PDE4D: variants seen among roughly 807,000 people sequenced by gnomAD.
PDE4D encodes 3',5'-cyclic-AMP phosphodiesterase 4D.
In PDE4D, 24 loss-of-function variants were observed where a neutral mutation model predicts 87.4. The observed-to-expected ratio is 0.27, with a 90% CI of 0.20 to 0.39. The LOEUF (loss-of-function observed/expected upper bound fraction) is 0.39. Among genes scored for constraint, PDE4D ranks in the 10% least tolerant of loss-of-function variants. The pLI, the probability that PDE4D is intolerant of heterozygous loss-of-function variation, is 1.00. For synonymous variants in PDE4D, 384 were observed against 383.2 expected, an observed-to-expected ratio of 1.00 and a Z score of -0.02; for missense variants, 714 against 1,041.0, an observed-to-expected ratio of 0.69 and a Z score of 4.32.
At chr5:59,584,745 A>G (rs2153701249) in intron 1 of PDE4D, among the ~76,000 whole-genome samples, 1 of 152,328 alleles carries the variant, frequency 6.6e-6, no homozygotes, top group East Asian at 1.9e-4. Context: ...CTTAGGTAGA[A>G]CAAAAACTGT....
chr5:59,039,353 C>A (rs1298439832), intron 5 of PDE4D: 2 of 1,030,678 alleles, frequency 1.9e-6, no homozygotes, highest in South Asian at 3.4e-5. Flanking sequence ...GGGTGGCGAG[C>A]GCGCTTGGGT....
chr5:59,716,289 G>C (rs1024465801), intron 1 of PDE4D, among the ~76,000 whole-genome samples: 1 of 152,214 alleles, frequency 6.6e-6, no homozygotes, highest in South Asian at 2.1e-4. Flanking sequence ...TGCTGACGCT[G>C]TACATACATC....
chr5:59,744,876 C>T (rs538805584), intron 1 of PDE4D, among the ~76,000 whole-genome samples: 1 of 152,212 alleles, frequency 6.6e-6, no homozygotes, highest in African/African-American at 2.4e-5. Flanking sequence ...TGGTAACAAG[C>T]TTTATTTCTG....
chr5:59,576,026 G>A (rs1018730086), intron 1 of PDE4D, among the ~76,000 whole-genome samples: 3 of 152,170 alleles, frequency 2.0e-5, no homozygotes, highest in African/African-American at 7.2e-5. Context: ...TAGTTAATGG[G>A]TAAGATCTAG....
chr5:59,484,685 A>C (rs886325956), intron 1 of PDE4D, among the ~76,000 whole-genome samples: 1 of 152,164 alleles, frequency 6.6e-6, no homozygotes. Flanking sequence ...CACTACATTT[A>C]ATTTCACTAC....
At chr5:59,407,586 T>G (rs1791922645) in intron 1 of PDE4D, among the ~76,000 whole-genome samples, 1 of 152,140 alleles carries the variant, frequency 6.6e-6, no homozygotes. Flanking sequence ...GAGGAAAAGT[T>G]TGAAACTTGG....
At chr5:60,502,777 T>C (rs1750145524) in intron 1 of PDE4D, among the ~76,000 whole-genome samples, 1 of 152,182 alleles carries the variant, frequency 6.6e-6, no homozygotes, top group African/African-American at 2.4e-5. Context: ...GTAATAAAAG[T>C]GTTTTAGGGA....
intron 1 of PDE4D, among the ~76,000 whole-genome samples, chr5:59,750,234 T>C (rs969074706): frequency 6.6e-6 from 1 of 152,078 alleles, no homozygotes; most frequent in Non-Finnish European, 1.5e-5. Flanking sequence ...CCGGGATGAT[T>C]CTTCCAAAAC....
intron 1 of PDE4D, among the ~76,000 whole-genome samples, chr5:59,323,997 A>G (rs546945083): frequency 6.6e-6 from 1 of 151,948 alleles, no homozygotes; most frequent in Admixed American, 6.6e-5. Context: ...CCCCAAACCT[A>G]CCACATTTTA....
Position 59,875,781 on chromosome 5 carries a change from A to T in PDE4D, c.455+17387T>A, listed in dbSNP as rs576444862. 1.1e-4 allele frequency among the ~76,000 whole-genome samples: 17 copies of T among 152,310 alleles called. No individual in the cohort carries two copies. The South Asian group carries it at 1.2e-3, about 11-fold the overall frequency. ...CATAAAAATTCTAGCATTAGCCATA[A>T]AAAAAGAACAAGATCATGTCTTATG... On this transcript the variant is annotated intron_variant, in intron 1 of 14. Transcript: ENST00000340635.
At chr5:59,097,852 TTCC>T (rs1561480232) in intron 5 of PDE4D, among the ~76,000 whole-genome samples, 7 of 152,208 alleles carry the variant, frequency 4.6e-5, no homozygotes, top group Admixed American at 2.0e-4. Context: ...AATGATCCCC[TTCC>T]TCTCCTAGAA....
intron 1 of PDE4D, among the ~76,000 whole-genome samples, chr5:59,857,979 G>A (rs768586177): frequency 2.7e-5 from 4 of 149,130 alleles, no homozygotes; most frequent in Non-Finnish European, 4.5e-5. Context: ...AGGAAGGAAG[G>A]AGAGATGAAG....
chr5:59,695,772 TTTG>T (rs1316736082), intron 1 of PDE4D, among the ~76,000 whole-genome samples: 1 of 151,840 alleles, frequency 6.6e-6, no homozygotes, highest in Non-Finnish European at 1.5e-5. Context: ...TGGCTAATTT[TTTG>T]TTGTTGTATT....
At chr5:60,205,975 G>A (rs1254045045) in intron 1 of PDE4D, among the ~76,000 whole-genome samples, 1 of 152,170 alleles carries the variant, frequency 6.6e-6, no homozygotes, top group Non-Finnish European at 1.5e-5. Context: ...TGGACAAACT[G>A]CACAGTATTC....
At chr5:60,214,451 G>A (rs952352425) in intron 1 of PDE4D, among the ~76,000 whole-genome samples, 1 of 152,162 alleles carries the variant, frequency 6.6e-6, no homozygotes, top group Non-Finnish European at 1.5e-5. Flanking sequence ...GATGCCCCAT[G>A]TTTGTTACCT....
At chr5:59,287,454 T>C (rs573564474) in intron 1 of PDE4D, among the ~76,000 whole-genome samples, 36 of 152,166 alleles carry the variant, frequency 2.4e-4, no homozygotes, top group Middle Eastern at 3.4e-3. Flanking sequence ...CTCCTGGACG[T>C]CATCTCTAGA....
intron 2 of PDE4D, among the ~76,000 whole-genome samples, chr5:59,994,233 T>C (rs1463191874): frequency 4.0e-5 from 6 of 151,860 alleles, no homozygotes; most frequent in African/African-American, 1.4e-4. Flanking sequence ...TGATATTTAT[T>C]TCATATATAT....
chr5:59,589,881 T>C (rs528758347), intron 1 of PDE4D, among the ~76,000 whole-genome samples: 6 of 152,320 alleles, frequency 3.9e-5, no homozygotes, highest in African/African-American at 1.4e-4. Flanking sequence ...CGTTGGATTT[T>C]TATTTTTATA....
At chr5:59,970,033 A>T (rs1160745580) in intron 3 of PDE4D, among the ~76,000 whole-genome samples, 1 of 152,182 alleles carries the variant, frequency 6.6e-6, no homozygotes, top group Non-Finnish European at 1.5e-5. Flanking sequence ...ACAAAAGTTA[A>T]ATGCAACTTT....
Sources: gnomAD v4.1 joint callset for allele counts (sites outside exome capture counted in the v4.1 genomes callset) on GRCh38, gnomAD v4.1.1 for gene constraint, MANE v1.5 for transcripts, NCBI Gene and HGNC (gene_info 2026-07-23, HGNC 2026-07-21) for gene names.